ABCA2: variants seen among roughly 807,000 people sequenced by gnomAD.
ABCA2 encodes ATP binding cassette subfamily A member 2.
A neutral mutation model predicts 262.8 loss-of-function variants in ABCA2; 84 were observed. That is an observed-to-expected ratio of 0.32 (90% CI 0.27 to 0.38). ABCA2 has a LOEUF of 0.38. Ranked by LOEUF, ABCA2 falls within the 10% of genes least tolerant of loss-of-function variation. The pLI, the probability that ABCA2 is intolerant of heterozygous loss-of-function variation, is 1.00. For synonymous variants in ABCA2, 1,696 were observed against 1,502.9 expected (o/e 1.13, Z -2.97); for missense variants, 2,662 against 3,405.9 (o/e 0.78, Z 5.44).
rs375906490 is a variant in ABCA2 at position 137,020,831 on chromosome 9, G to A, written c.1128C>T (p.Val376=). 5.7e-5 allele frequency: 88 copies of A among 1,553,314 alleles called. No homozygotes were observed. Among genetic ancestry groups the A allele is most frequent in the Non-Finnish European group, 7.2e-5 (83 of 1,148,604 alleles). ...CCTCAGCGGTGGCGTTGGGGCCCAT[G>A]ACTGCCCCTGCCCCAGTGCCATTGG... The part of the protein sequence containing the change: ...GAANGTGAGA[V]MGPNATAEEG... The change falls in exon 9 of 49, where the codon GTC becomes GTT. Residue 376 remains valine, a synonymous_variant. Transcript: ENST00000341511.
Position 137,019,266 on chromosome 9 carries a change from T to C in ABCA2, c.1466A>G (p.Tyr489Cys), listed in dbSNP as rs772249994. The C allele has an allele frequency of 3.7e-6, 6 of 1,612,466 alleles. No individual in the cohort carries two copies. The highest frequency in any genetic ancestry group is 4.2e-6 in the Non-Finnish European group (5 of 1,179,864). ...CGAGATGTTGAGCCAGACCTGGGCA[T>C]AGTGAGTCACGTTGCCCACAAAAGC... ...TFAFVGNVTH[Y>C]AQVWLNISAE... The change falls in exon 11 of 49, where the codon TAT (tyrosine) becomes TGT (cysteine). Residue 489 changes from tyrosine (Y) to cysteine (C), a missense_variant. Transcript: ENST00000341511. This position sits in a 1 kb window ranked among gnomAD's most constrained non-coding sequence, Gnocchi z 4.4.
At position 137,007,785 on chromosome 9, in the gene ABCA2, G is replaced by T; in HGVS notation, c.*144C>A. On this transcript the variant is annotated 3_prime_UTR_variant, in exon 49 of 49. Coordinates refer to ENST00000341511, the MANE Select transcript of ABCA2 (RefSeq NM_001606.5). ...CCACAGGGCATGGCCGAGTACAGGG[G>T]CTGGAGGACCAGAAGCCCCTTGGTC... 1 of 1,152,302 alleles carries T rather than the reference G, an allele frequency of 8.7e-7. No homozygotes were observed. The highest frequency in any genetic ancestry group is 1.2e-6 in the Non-Finnish European group (1 of 803,616). 71.4% of individuals were successfully genotyped at this position (1,152,302 alleles called of 1,614,324 possible).
Position 137,011,095 on chromosome 9 carries a change from G to T in ABCA2, c.5934C>A (p.Asp1978Glu). 6.2e-7 allele frequency: 1 copy of T among 1,612,248 alleles called. No homozygotes were observed. The highest frequency in any genetic ancestry group is 8.5e-7 in the Non-Finnish European group (1 of 1,179,778). The change falls in exon 39 of 49, where the codon GAC becomes GAA. Residue 1978 changes from aspartate (D) to glutamate (E), a missense_variant. Physicochemically the swap from Asp to Glu is conservative, Grantham distance 45. Coordinates refer to ENST00000341511, the MANE Select transcript of ABCA2 (RefSeq NM_001606.5). This position sits in a 1 kb window ranked among gnomAD's most constrained non-coding sequence, Gnocchi z 8.8. ...CCCACTCGAACGGGGACTTCATCTT[G>T]TCAAACTGGCCTGCGGGGAGACAGC... is the stretch of plus-strand genomic sequence containing the variant. ...NEYYAKIGQFDKMKSPFEWDI... is the reference protein window; with the variant it reads ...NEYYAKIGQFEKMKSPFEWDI...
upstream of ABCA2, chr9:137,028,624 CGCCGAGCGGACGCTGGCGAGGG>C: frequency 9.1e-7 from 1 of 1,096,146 alleles, no homozygotes; most frequent in Non-Finnish European, 1.1e-6. The surrounding 1 kb of genome is among the most constrained non-coding windows in gnomAD (Gnocchi z 6.9). Context: ...CCCCGGGGCG[CGCCGAGCGGACGCTGGCGAGGG>C]GCCAGCTCAC....
At position 137,018,021 on chromosome 9, in the gene ABCA2, G is replaced by A; in HGVS notation, c.2048C>T (p.Pro683Leu). The A allele has an allele frequency of 6.2e-7, 1 of 1,612,784 alleles. No homozygotes were observed. Among genetic ancestry groups the A allele is most frequent in the Non-Finnish European group, 8.5e-7 (1 of 1,179,968 alleles). The change falls in exon 15 of 49, where the codon CCA becomes CTA. Residue 683 changes from proline (P) to leucine (L), a missense_variant. Coordinates refer to ENST00000341511, the MANE Select transcript of ABCA2 (RefSeq NM_001606.5). ...DTFVGHDVVE[P>L]GSYVQMFPYP... The stretch of plus-strand genomic sequence containing the variant: ...GGGGAACATCTGCACGTAGCTGCCT[G>A]GCTCCACCACATCGTGCCCCACAAA...
chr9:137,022,671 C>A, intron 5 of ABCA2, 31 bp downstream of exon 5: 1 of 1,595,290 alleles, frequency 6.3e-7, no homozygotes, highest in East Asian at 2.3e-5. Context: ...GCCCGCAGCC[C>A]TGCCCCCCAA....
chr9:137,016,238 G>C, intron 21 of ABCA2, 53 bp downstream of exon 21: 1 of 1,611,390 alleles, frequency 6.2e-7, no homozygotes, highest in South Asian at 1.1e-5. Context: ...GCCCTGACTA[G>C]GACTCCTGCT....
Position 137,011,572 on chromosome 9 carries a change from G to T in ABCA2, c.5652-18C>A. The T allele has an allele frequency of 6.4e-7, 1 of 1,566,786 alleles. No individual in the cohort carries two copies. The highest frequency in any genetic ancestry group is 1.7e-4 in the Middle Eastern group (1 of 6,008). Reference sequence around the variant, plus strand: ...TGGACCACCTGCGGGCAGGTGGCGGGCAGTGGTCACCAGGCAGCCCCGGTC... The same window carrying T: ...TGGACCACCTGCGGGCAGGTGGCGGTCAGTGGTCACCAGGCAGCCCCGGTC... On this transcript the variant is annotated intron_variant, in intron 36 of 48. Transcript: ENST00000341511. The surrounding 1 kb of genome is among the most constrained non-coding windows in gnomAD (Gnocchi z 8.8).
rs1352121996 is a variant in ABCA2 at position 137,013,555 on chromosome 9, G to A, written c.4456C>T (p.Pro1486Ser). ...ALSVPEIGDLPPLVLSPSQYH... is the reference protein window; with the variant it reads ...ALSVPEIGDLSPLVLSPSQYH... ...TGGGAAGGTGACAGGACCAGCGGGG[G>A]CAGATCACCTGGCAGGGCGAGCAGG... The change falls in exon 29 of 49, where the codon CCC becomes TCC. Residue 1486 changes from proline to serine, a missense_variant. Transcript: ENST00000341511. 3 of 1,608,484 alleles carry A rather than the reference G, an allele frequency of 1.9e-6. No individual in the cohort carries two copies. The highest frequency in any genetic ancestry group is 1.3e-5 in the African/African-American group (1 of 75,052).
Position 137,022,926 on chromosome 9 carries a change from C to CCCGGGGGGGG in ABCA2, c.275+14_275+15insCCCCCCCCGG. On this transcript the variant is annotated intron_variant, in intron 4 of 48. Transcript: ENST00000341511. ...GGGGAGGGGTGGGTGCTCCGAGGGGCGGGTGGGCACTCACGTGGAGTTGGC... is the reference window on the plus strand; with the variant it reads ...GGGGAGGGGTGGGTGCTCCGAGGGGCCCGGGGGGGGGGGTGGGCACTCACGTGGAGTTGGC... 7 of 374,726 alleles carry CCCGGGGGGGG rather than the reference C, an allele frequency of 1.9e-5. No homozygotes were observed. Among genetic ancestry groups the CCCGGGGGGGG allele is most frequent in the African/African-American group, 3.2e-5 (1 of 31,586 alleles). 23.2% of individuals were successfully genotyped at this position (374,726 alleles called of 1,614,324 possible). A position where few individuals can be genotyped will look rare whatever the true frequency, so the allele number is the denominator to read the frequency against.
chr9:137,014,511 T>C (rs551825701), intron 26 of ABCA2, 107 bp from the exon 27 acceptor site: 3 of 1,446,786 alleles, frequency 2.1e-6, no homozygotes, highest in South Asian at 1.3e-5. Flanking sequence ...CATACACCTG[T>C]CCGGGACCTC....
In ABCA2 at chr9:137,021,002, C is replaced by A. The variant is rs1178286791; in HGVS notation, c.957G>T (p.Arg319Ser). 5 of 1,503,692 alleles carry A rather than the reference C, an allele frequency of 3.3e-6. No individual in the cohort carries two copies. In the South Asian group the frequency reaches 3.9e-5, roughly 12 times the overall value. The allele number at this position is 1,503,692 out of a possible 1,614,324, so 93.1% of individuals were successfully genotyped here. A position where few individuals can be genotyped will look rare whatever the true frequency, so the allele number is the denominator to read the frequency against. ...GCAGGTCCCCCAGAAGCGCCTGCAG[C>A]CTCCGTGGGGGTGGCGCCTGTGGCG... ...DSSPQAPPPRRLQALLGDLLD... is the reference protein window; with the variant it reads ...DSSPQAPPPRSLQALLGDLLD... The change falls in exon 9 of 49, where the codon AGG becomes AGT. Residue 319 changes from arginine (R) to serine (S), a missense_variant. Around this residue, in one of 12 missense-constraint regions of ABCA2, gnomAD observed 403 missense variants for 375.9 expected, o/e 1.07. Coordinates refer to ENST00000341511, the MANE Select transcript of ABCA2 (RefSeq NM_001606.5). This position sits in a 1 kb window ranked among gnomAD's most constrained non-coding sequence, Gnocchi z 6.0.
chr9:137,021,305 G>A lies in ABCA2; in HGVS notation c.897+87C>T. Reference sequence around the variant, plus strand: ...CATCCCACGCACAGCCTGGGCCCAGGAGCCCTGAGCTCTCCAAGCGGTCCC... The same window carrying A: ...CATCCCACGCACAGCCTGGGCCCAGAAGCCCTGAGCTCTCCAAGCGGTCCC... On this transcript the variant is annotated intron_variant, in intron 8 of 48. Transcript: ENST00000341511. The surrounding 1 kb of genome is among the most constrained non-coding windows in gnomAD (Gnocchi z 6.0). The A allele has an allele frequency of 6.6e-7, 1 of 1,505,082 alleles. No individual in the cohort carries two copies. Among genetic ancestry groups the A allele is most frequent in the Non-Finnish European group, 9.0e-7 (1 of 1,116,216 alleles). 93.2% of individuals were successfully genotyped at this position (1,505,082 alleles called of 1,614,324 possible).
In ABCA2 at chr9:137,009,907, GC is replaced by G. The variant is rs770152450; in HGVS notation, c.6496-5del. 3.7e-6 allele frequency: 6 copies of G among 1,604,612 alleles called. No homozygotes were observed. In the Admixed American group the frequency reaches 8.4e-5, roughly 22 times the overall value. Reference sequence around the variant, plus strand: ...TCTCCAGAGCCCACTTCACCACCTGGCCAGGGAACGCAGGTGTCAGTGGAGG... The same window carrying G: ...TCTCCAGAGCCCACTTCACCACCTGGCAGGGAACGCAGGTGTCAGTGGAGG... On this transcript the variant is annotated splice_polypyrimidine_tract_variant and splice_region_variant and intron_variant, in intron 42 of 48. Coordinates refer to ENST00000341511, the MANE Select transcript of ABCA2 (RefSeq NM_001606.5).
In ABCA2 at chr9:137,015,621, CAG is replaced by C. The variant is rs774998202; in HGVS notation, c.3515-27_3515-26del. On this transcript the variant is annotated intron_variant, in intron 23 of 48. Transcript: ENST00000341511. ...CCTAGGACAAGGCCAGACCCAGGGT[CAG>C]GGGGCAGGGGAGGCGCCGCCCGCAC... 5.6e-6 allele frequency: 9 copies of C among 1,611,732 alleles called. No individual in the cohort carries two copies. In the Admixed American group the frequency reaches 1.2e-4, roughly 21 times the overall value.
In ABCA2 at chr9:137,014,271, C is replaced by T; in HGVS notation, c.4137G>A (p.Val1379=). 6.2e-7 allele frequency: 1 copy of T among 1,611,416 alleles called. No individual in the cohort carries two copies. The highest frequency in any genetic ancestry group is 8.5e-7 in the Non-Finnish European group (1 of 1,179,430). ...CTCCCTCGTCGCCACGGGCAGAGCCCACAGATGACGCCGACTGCAGCGATG... is the reference window on the plus strand; with the variant it reads ...CTCCCTCGTCGCCACGGGCAGAGCCTACAGATGACGCCGACTGCAGCGATG... ...SQASLQSASS[V]GSARGDEGAG... Residue 1379 remains valine, a synonymous_variant, in exon 27 of 49, where the codon GTG becomes GTA. Coordinates refer to ENST00000341511, the MANE Select transcript of ABCA2 (RefSeq NM_001606.5).
Position 137,017,772 on chromosome 9 carries a change from T to C in ABCA2, c.2211+15A>G. ...TGCCAGCCCGCGCCTCCAGGGAGAG[T>C]CCCGGCCCGCGCACCTCCTTGAGCC... On this transcript the variant is annotated intron_variant, in intron 16 of 48. Coordinates refer to ENST00000341511, the MANE Select transcript of ABCA2 (RefSeq NM_001606.5). 1 of 1,610,948 alleles carries C rather than the reference T, an allele frequency of 6.2e-7. No homozygotes were observed. Among genetic ancestry groups the C allele is most frequent in the Non-Finnish European group, 8.5e-7 (1 of 1,179,296 alleles).
chr9:137,014,183 T>C lies in ABCA2; in HGVS notation c.4225A>G (p.Asn1409Asp), dbSNP rs1831170245. ...PLFDNPQDPD[N>D]VSLQEVEAEA... is the part of the protein sequence containing the mutation. ...CCACCCCCACCTTGCAGGCTGACAT[T>C]GTCTGGGTCCTGTGGGTTATCAAAG... is the stretch of plus-strand genomic sequence containing the variant. Residue 1409 changes from asparagine to aspartate, a missense_variant, in exon 27 of 49, where the codon AAT becomes GAT. Transcript: ENST00000341511. 7 of 1,608,440 alleles carry C rather than the reference T, an allele frequency of 4.4e-6. No individual in the cohort carries two copies. Among genetic ancestry groups the C allele is most frequent in the South Asian group, 1.1e-5 (1 of 90,288 alleles).
rs75458945 is a variant in ABCA2 at position 137,014,829 on chromosome 9, G to C, written c.3883-19C>G. The C allele has an allele frequency of 5.7e-3, 9,016 of 1,593,980 alleles. 411 individuals carry two copies. The African/African-American group carries it at 0.1, about 19-fold the overall frequency. On this transcript the variant is annotated intron_variant, in intron 25 of 48. Coordinates refer to ENST00000341511, the MANE Select transcript of ABCA2 (RefSeq NM_001606.5). ...CCAGGTGCTGCAGGGGCGGTGGAGG[G>C]GGAGGCTGCGGCAGGGACGCCCAGG...
Sources: allele counts gnomAD v4.1 joint callset, GRCh38; gene constraint gnomAD v4.1.1; regional missense constraint gnomAD v4.1.1; non-coding constraint Gnocchi (gnomAD v3.1); transcripts MANE v1.5; gene names NCBI Gene and HGNC (gene_info 2026-07-23, HGNC 2026-07-21).